The following PTPN9 variants were observed in gnomAD, a reference collection of about 807,000 sequenced individuals.
The protein encoded by PTPN9 is protein tyrosine phosphatase non-receptor type 9.
Under a neutral mutation model 69.8 loss-of-function variants are expected in PTPN9, and 26 were observed. The observed-to-expected ratio is 0.37, with a 90% CI of 0.27 to 0.52. PTPN9 has a LOEUF of 0.52. Among genes scored for constraint, PTPN9 ranks in the 20% least tolerant of loss-of-function variants. PTPN9 has a pLI of 0.91. For synonymous variants in PTPN9, 274 were observed against 272.5 expected, an observed-to-expected ratio of 1.01 and a Z score of -0.05; for missense variants, 549 against 740.3, an observed-to-expected ratio of 0.74 and a Z score of 3.00.
Position 75,505,842 on chromosome 15 carries a change from G to T in PTPN9, c.801C>A (p.Phe267Leu). 6.2e-7 allele frequency: 1 copy of T among 1,614,188 alleles called. No individual in the cohort carries two copies. The highest frequency in any genetic ancestry group is 8.5e-7 in the Non-Finnish European group (1 of 1,180,044). ...HPDPFDEIIL[F>L]SLPPALDWDS... ...CCCAGTCTAAGGCAGGAGGGAGGGA[G>T]AACAGGATGATCTCATCGAAGGGAT... Residue 267 changes from phenylalanine (F) to leucine (L), a missense_variant, in exon 7 of 13, where the codon TTC becomes TTA. Phe to Leu is a conservative substitution (Grantham distance 22). Coordinates refer to ENST00000618819, the MANE Select transcript of PTPN9 (RefSeq NM_002833.4).
chr15:75,493,858 C>T (rs984802860), intron 7 of PTPN9, among the ~76,000 whole-genome samples: 1 of 151,988 alleles, frequency 6.6e-6, no homozygotes, highest in Admixed American at 6.6e-5. Flanking sequence ...TATGCCCTGG[C>T]CACTTGTTTT....
chr15:75,468,988 AGAAG>A lies in PTPN9; in HGVS notation c.1568-9_1568-6del, dbSNP rs1364357931. Reference sequence around the variant, plus strand: ...TGTCCAGTGAGCAGAAGGTACCTGAAGAAGGAAGGAAGTGATCACATCTGGTTTA... The same window carrying A: ...TGTCCAGTGAGCAGAAGGTACCTGAAGAAGGAAGTGATCACATCTGGTTTA... On this transcript the variant is annotated splice_region_variant and splice_polypyrimidine_tract_variant and intron_variant, in intron 12 of 12. Coordinates refer to ENST00000618819, the MANE Select transcript of PTPN9 (RefSeq NM_002833.4). 1.2e-6 allele frequency: 2 copies of A among 1,608,276 alleles called. No individual in the cohort carries two copies. The highest frequency in any genetic ancestry group is 1.1e-5 in the South Asian group (1 of 90,936).
At chr15:75,490,065 A>G in intron 8 of PTPN9, 143 bp downstream of exon 8, 1 of 669,324 alleles carries the variant, frequency 1.5e-6, no homozygotes, top group Non-Finnish European at 2.6e-6. Flanking sequence ...GTCACAGACT[A>G]GTATGTAGCA....
At chr15:75,486,111 A>AT (rs1250384413) in intron 8 of PTPN9, among the ~76,000 whole-genome samples, 4 of 150,754 alleles carry the variant, frequency 2.7e-5, no homozygotes, top group Admixed American at 6.6e-5. Flanking sequence ...AAAAAAAAAA[A>AT]AAAAACAAAA....
chr15:75,578,615 G>C, intron 1 of PTPN9, 99 bp downstream of exon 1: 1 of 984,712 alleles, frequency 1.0e-6, no homozygotes, highest in Non-Finnish European at 1.3e-6. Context: ...GGGGGGCTGC[G>C]GCCCCGTGGC....
Position 75,466,541 on chromosome 15 carries a change from A to G in PTPN9, c.*2228T>C, listed in dbSNP as rs1418815346. 6.6e-6 allele frequency: 1 copy of G among 152,196 alleles called. No individual in the cohort carries two copies. Among genetic ancestry groups the G allele is most frequent in the African/African-American group, 2.4e-5 (1 of 41,444 alleles). 9.4% of individuals were successfully genotyped at this position (152,196 alleles called of 1,614,324 possible). A position where few individuals can be genotyped will look rare whatever the true frequency, so the allele number is the denominator to read the frequency against. On this transcript the variant is annotated 3_prime_UTR_variant, in exon 13 of 13. Coordinates refer to ENST00000618819, the MANE Select transcript of PTPN9 (RefSeq NM_002833.4). ...TACGCTGCAGACATGAGGACCCTACATCAGGAGGTCCTAGCTAGGACAGTC... is the reference window on the plus strand; with the variant it reads ...TACGCTGCAGACATGAGGACCCTACGTCAGGAGGTCCTAGCTAGGACAGTC...
At chr15:75,515,198 C>T (rs1188645322) in intron 5 of PTPN9, among the ~76,000 whole-genome samples, 4 of 151,308 alleles carry the variant, frequency 2.6e-5, no homozygotes, top group African/African-American at 7.3e-5. Context: ...GAGGCTGAGG[C>T]GGGCAGTTCA....
At chr15:75,548,404 C>T (rs763440332) in intron 1 of PTPN9, among the ~76,000 whole-genome samples, 43 of 151,346 alleles carry the variant, frequency 2.8e-4, no homozygotes, top group Non-Finnish European at 4.7e-4. Flanking sequence ...TACAGGCGCC[C>T]ACCACCATGC....
rs565981250 is a variant in PTPN9 at position 75,578,812 on chromosome 15, T to C, written c.-36A>G. On this transcript the variant is annotated 5_prime_UTR_variant, in exon 1 of 13. Transcript: ENST00000618819. ...CCGCCGCCGGGCGGACAAAACTCGC[T>C]CGCGAGCGCGGGAGCCCGGCGCGCT... 1.7e-6 allele frequency: 2 copies of C among 1,206,992 alleles called. No individual in the cohort carries two copies. The allele number at this position is 1,206,992 out of a possible 1,614,324, so 74.8% of individuals were successfully genotyped here. A position where few individuals can be genotyped will look rare whatever the true frequency, so the allele number is the denominator to read the frequency against.
chr15:75,502,016 A>C (rs1368560650), intron 7 of PTPN9, among the ~76,000 whole-genome samples: 2 of 152,128 alleles, frequency 1.3e-5, no homozygotes, highest in Non-Finnish European at 2.9e-5. Context: ...AATGAGCTGG[A>C]CATAGTGGCA....
chr15:75,500,703 C>T (rs1042901570), intron 7 of PTPN9, among the ~76,000 whole-genome samples: 2 of 151,412 alleles, frequency 1.3e-5, no homozygotes, highest in African/African-American at 4.9e-5. Flanking sequence ...CCAGCCTGGG[C>T]AACATAGGGA....
intron 7 of PTPN9, among the ~76,000 whole-genome samples, chr15:75,493,119 C>T (rs1207436982): frequency 6.6e-6 from 1 of 152,054 alleles, no homozygotes; most frequent in African/African-American, 2.4e-5. Context: ...TGCATCCCTG[C>T]ACTCCACCCT....
intron 8 of PTPN9, among the ~76,000 whole-genome samples, chr15:75,481,720 C>T (rs1483061897): frequency 4.5e-5 from 1 of 22,200 alleles, no homozygotes; most frequent in Non-Finnish European, 7.0e-5. Context: ...TCAGCCCCCC[C>T]GCCCAGCCAG....
chr15:75,473,850 T>A, intron 9 of PTPN9, 83 bp from the exon 10 acceptor site: 1 of 1,040,240 alleles, frequency 9.6e-7, no homozygotes, highest in Non-Finnish European at 1.5e-6. Flanking sequence ...TACTCCCCAA[T>A]GGTAACTCCA....
chr15:75,550,002 T>A (rs1337634378), intron 1 of PTPN9, among the ~76,000 whole-genome samples: 4 of 150,474 alleles, frequency 2.7e-5, no homozygotes, highest in Non-Finnish European at 4.4e-5. Context: ...AAAAAAACTG[T>A]CTTGATAAAC....
intron 1 of PTPN9, among the ~76,000 whole-genome samples, chr15:75,548,625 T>C (rs1347555238): frequency 6.6e-6 from 1 of 151,772 alleles, no homozygotes; most frequent in Non-Finnish European, 1.5e-5. Context: ...TTTTTGTTTT[T>C]GTTTTTTCCT....
chr15:75,500,519 T>C (rs1189429426), intron 7 of PTPN9, among the ~76,000 whole-genome samples: 2 of 151,942 alleles, frequency 1.3e-5, no homozygotes, highest in Non-Finnish European at 2.9e-5. Flanking sequence ...GCCTGGGTGA[T>C]GGAGTGAGAC....
chr15:75,551,896 G>C (rs1251132479), intron 1 of PTPN9, among the ~76,000 whole-genome samples: 1 of 151,484 alleles, frequency 6.6e-6, no homozygotes, highest in Non-Finnish European at 1.5e-5. Flanking sequence ...AAATTAGCTG[G>C]GCATGGTGGT....
Position 75,578,932 on chromosome 15 carries a change from C to A in PTPN9, c.-156G>T. 1 of 339,412 alleles carries A rather than the reference C, an allele frequency of 2.9e-6. No homozygotes were observed. The highest frequency in any genetic ancestry group is 5.0e-6 in the Non-Finnish European group (1 of 198,776). 21.0% of individuals were successfully genotyped at this position (339,412 alleles called of 1,614,324 possible). A position where few individuals can be genotyped will look rare whatever the true frequency, so the allele number is the denominator to read the frequency against. ...GCCCGGCGCCTGCAGCGGCCGCAAA[C>A]GCCGCTTCTGCTTCCTTAAGAAAAA... On this transcript the variant is annotated 5_prime_UTR_variant, in exon 1 of 13. Coordinates refer to ENST00000618819, the MANE Select transcript of PTPN9 (RefSeq NM_002833.4).
Sources: allele counts gnomAD v4.1 joint callset (sites outside exome capture counted in the v4.1 genomes callset), GRCh38; gene constraint gnomAD v4.1.1; transcripts MANE v1.5; gene names NCBI Gene and HGNC (gene_info 2026-07-23, HGNC 2026-07-21).